Variants in RSRC1 observed in about 807,000 individuals in gnomAD.
The protein encoded by RSRC1 is arginine and serine rich coiled-coil 1.
RSRC1 carries 39 observed loss-of-function variants against 49.1 expected under a neutral mutation model. The ratio of observed to expected loss-of-function variants is 0.79; its 90% CI spans 0.61 to 1.04. The LOEUF (loss-of-function observed/expected upper bound fraction) is 1.04, where lower values mean the gene tolerates loss of function less well. Among genes scored for constraint, RSRC1 ranks in the 50% least tolerant of loss-of-function variants. RSRC1 has a pLI of 0.00. For synonymous variants in RSRC1, 143 were observed against 130.8 expected, an observed-to-expected ratio of 1.09 and a Z score of -0.63; for missense variants, 388 against 402.4, an observed-to-expected ratio of 0.96 and a Z score of 0.31.
chr3:158,207,418 T>A (rs1220257151), intron 4 of RSRC1, among the ~76,000 whole-genome samples: 1 of 152,160 alleles, frequency 6.6e-6, no homozygotes, highest in Non-Finnish European at 1.5e-5. Context: ...CTTAATTAAG[T>A]TTATTTTAGT....
chr3:158,503,807 C>G (rs1036235550), intron 7 of RSRC1, among the ~76,000 whole-genome samples: 2 of 152,086 alleles, frequency 1.3e-5, no homozygotes, highest in African/African-American at 4.8e-5. Context: ...CCCAGACTAC[C>G]CGTCTCCCAG....
At chr3:158,268,056 C>G (rs1251024964) in intron 4 of RSRC1, among the ~76,000 whole-genome samples, 1 of 151,950 alleles carries the variant, frequency 6.6e-6, no homozygotes. Flanking sequence ...TAGACTGGCT[C>G]TGTGGCATAG....
intron 3 of RSRC1, among the ~76,000 whole-genome samples, chr3:158,193,975 T>C (rs1258224772): frequency 1.3e-5 from 2 of 151,574 alleles, no homozygotes; most frequent in African/African-American, 2.4e-5. Flanking sequence ...ATCCCAGAAC[T>C]TGGGGAGTCT....
intron 6 of RSRC1, among the ~76,000 whole-genome samples, chr3:158,431,532 A>T (rs558746199): frequency 7.2e-5 from 11 of 152,076 alleles, no homozygotes; most frequent in African/African-American, 2.6e-4. Flanking sequence ...GCTTATAATG[A>T]AGACGTGTAG....
At chr3:158,379,971 T>C (rs547700131) in intron 6 of RSRC1, among the ~76,000 whole-genome samples, 1 of 152,114 alleles carries the variant, frequency 6.6e-6, no homozygotes, top group South Asian at 2.1e-4. Context: ...AGGATTGTTA[T>C]CTGCTTTGTT....
intron 6 of RSRC1, among the ~76,000 whole-genome samples, chr3:158,399,421 G>T (rs1733788165): frequency 2.8e-5 from 1 of 35,778 alleles, no homozygotes; most frequent in African/African-American, 1.6e-4. Context: ...CTCCCAAAGT[G>T]CTGGGATTAC....
chr3:158,276,106 G>C (rs1465860370), intron 4 of RSRC1: 2 of 900,502 alleles, frequency 2.2e-6, no homozygotes, highest in African/African-American at 1.6e-5. Flanking sequence ...GTGGCGTCCA[G>C]CTCACTCCTC....
chr3:158,204,831 GAAT>G (rs1721258160), intron 4 of RSRC1, among the ~76,000 whole-genome samples: 1 of 151,940 alleles, frequency 6.6e-6, no homozygotes, highest in African/African-American at 2.4e-5. Flanking sequence ...TACTTTTTTA[GAAT>G]AATACTTGTG....
At chr3:158,386,690 CAG>C (rs1732983820) in intron 6 of RSRC1, among the ~76,000 whole-genome samples, 1 of 151,912 alleles carries the variant, frequency 6.6e-6, no homozygotes, top group Non-Finnish European at 1.5e-5. Flanking sequence ...ATGTTATTAA[CAG>C]AGTTTACAAG....
intron 3 of RSRC1, among the ~76,000 whole-genome samples, chr3:158,165,199 A>G (rs1337835934): frequency 6.6e-6 from 1 of 152,236 alleles, no homozygotes; most frequent in Non-Finnish European, 1.5e-5. Context: ...TTAGAAATGA[A>G]GCTTGGTAAA....
intron 4 of RSRC1, among the ~76,000 whole-genome samples, chr3:158,224,797 T>C (rs1378910910): frequency 6.6e-6 from 1 of 151,890 alleles, no homozygotes; most frequent in African/African-American, 2.4e-5. Flanking sequence ...TAATTATTTT[T>C]ATGAACAAGC....
intron 7 of RSRC1, among the ~76,000 whole-genome samples, chr3:158,506,608 T>C (rs945786281): frequency 2.0e-5 from 3 of 151,614 alleles, no homozygotes; most frequent in African/African-American, 7.3e-5. Context: ...AAGTGCAAAT[T>C]AAAACCACAG....
chr3:158,129,765 G>A (rs1364292288), intron 3 of RSRC1, among the ~76,000 whole-genome samples: 2 of 152,198 alleles, frequency 1.3e-5, no homozygotes, highest in East Asian at 3.9e-4. Flanking sequence ...TTAAAGTTAG[G>A]TGTTATTGTT....
At chr3:158,116,795 G>T (rs4317053) in intron 1 of RSRC1, among the ~76,000 whole-genome samples, 1 of 152,034 alleles carries the variant, frequency 6.6e-6, no homozygotes, top group Admixed American at 6.5e-5. Flanking sequence ...AAAATCGCTG[G>T]TACTAGAATG....
intron 6 of RSRC1, among the ~76,000 whole-genome samples, chr3:158,379,631 C>A (rs970333282): frequency 2.0e-5 from 3 of 152,004 alleles, no homozygotes; most frequent in Non-Finnish European, 2.9e-5. Flanking sequence ...CTTAGTATGC[C>A]TTAGTCTCAG....
intron 4 of RSRC1, among the ~76,000 whole-genome samples, chr3:158,291,336 C>T (rs1334714993): frequency 3.9e-5 from 6 of 152,130 alleles, no homozygotes; most frequent in Non-Finnish European, 4.4e-5. Context: ...TTTCATGCTA[C>T]TCCAATTAGT....
chr3:158,160,297 C>CTAAG (rs1393237226), intron 3 of RSRC1, among the ~76,000 whole-genome samples: 5 of 152,096 alleles, frequency 3.3e-5, no homozygotes, highest in Non-Finnish European at 7.4e-5. Context: ...ATTTCTACTA[C>CTAAG]TAAGTTTTAA....
chr3:158,399,680 T>G (rs1733801347), intron 6 of RSRC1, among the ~76,000 whole-genome samples: 1 of 152,180 alleles, frequency 6.6e-6, no homozygotes, highest in South Asian at 2.1e-4. Flanking sequence ...CTATCTTATT[T>G]GGACAGCAGA....
At chr3:158,376,031 AT>A (rs1732341354) in intron 6 of RSRC1, among the ~76,000 whole-genome samples, 1 of 134,572 alleles carries the variant, frequency 7.4e-6, no homozygotes, top group African/African-American at 4.0e-5. Context: ...GTCTCCACTG[AT>A]TTCTGAACTC....
Sources: allele counts gnomAD v4.1 joint callset (sites outside exome capture counted in the v4.1 genomes callset), GRCh38; gene constraint gnomAD v4.1.1; transcripts MANE v1.5; gene names NCBI Gene and HGNC (gene_info 2026-07-23, HGNC 2026-07-21).